The following PCDHGA9 variants were observed in gnomAD, a reference collection of about 807,000 sequenced individuals.
PCDHGA9 encodes protocadherin gamma subfamily A, 9.
PCDHGA9 carries 37 observed loss-of-function variants against 62.5 expected under a neutral mutation model. That is an observed-to-expected ratio of 0.59 (90% CI 0.46 to 0.78). PCDHGA9 has a LOEUF of 0.78. Among genes scored for constraint, PCDHGA9 ranks in the 30% least tolerant of loss-of-function variants. PCDHGA9 has a pLI of 0.00. For missense variants in PCDHGA9, 1,138 were observed against 1,166.2 expected (o/e 0.98, Z 0.35); for synonymous variants, 459 against 484.6 (o/e 0.95, Z 0.69).
At chr5:141,492,606 C>G (rs1019615566) in intron 1 of PCDHGA9, among the ~76,000 whole-genome samples, 3 of 152,232 alleles carry the variant, frequency 2.0e-5, no homozygotes, top group African/African-American at 7.2e-5. Flanking sequence ...GACTGCCGCT[C>G]TAAGTGCCGG....
intron 1 of PCDHGA9, chr5:141,420,367 T>C: frequency 7.3e-7 from 1 of 1,360,684 alleles, no homozygotes; most frequent in Non-Finnish European, 9.7e-7. Flanking sequence ...CTAGATAACT[T>C]CTTCATAGAG....
At chr5:141,456,204 C>A (rs867187371) in intron 1 of PCDHGA9, among the ~76,000 whole-genome samples, 17 of 152,222 alleles carry the variant, frequency 1.1e-4, no homozygotes, top group South Asian at 2.1e-4. Context: ...CTACCACATT[C>A]CTCCCTGTGG....
rs762574320 is a variant in PCDHGA9, at chr5:141,485,926, G to A, written c.2425-8881G>A. The A allele has an allele frequency of 2.0e-5, 32 of 1,614,090 alleles. No individual in the cohort carries two copies. Among genetic ancestry groups the A allele is most frequent in the Admixed American group, 1.2e-4 (7 of 60,006 alleles). ...AGCAATCCAGCTACAGGATTAGTGT[G>A]TTGGAGAGCGCACCAGCGGGCATGG... On this transcript the variant is annotated intron_variant, in intron 1 of 3. Transcript: ENST00000573521. The surrounding 1 kb of genome is among the most constrained non-coding windows in gnomAD (Gnocchi z 5.7).
At position 141,491,561 on chromosome 5, in the gene PCDHGA9, A is replaced by C. The variant is rs1289732955; in HGVS notation, c.2425-3246A>C. The C allele has an allele frequency of 1.2e-6, 2 of 1,613,938 alleles. No homozygotes were observed. Among genetic ancestry groups the C allele is most frequent in the Admixed American group, 3.3e-5 (2 of 60,016 alleles). On this transcript the variant is annotated intron_variant, in intron 1 of 3. Transcript: ENST00000573521. This position sits in a 1 kb window ranked among gnomAD's most constrained non-coding sequence, Gnocchi z 6.9. ...CCCACAGACTCGCAGAGCCACTGCT[A>C]CAGGACGTGCTTTTCACCGGCCTCG...
intron 1 of PCDHGA9, chr5:141,419,490 C>G (rs2096390495): frequency 8.1e-6 from 13 of 1,612,414 alleles, no homozygotes; most frequent in Non-Finnish European, 1.1e-5. Context: ...GCGCTCAGCG[C>G]CAATGTGAGC....
intron 1 of PCDHGA9, chr5:141,428,371 C>A: frequency 5.6e-6 from 3 of 536,772 alleles, no homozygotes; most frequent in Non-Finnish European, 1.0e-5. Flanking sequence ...CGCCTTGCAC[C>A]TGCGATGCTC....
intron 1 of PCDHGA9, chr5:141,441,126 C>T (rs1319809408): frequency 6.6e-6 from 1 of 152,062 alleles, no homozygotes; most frequent in Non-Finnish European, 1.5e-5. Context: ...CAGTTGAGAC[C>T]GAATTTCTAG....
intron 1 of PCDHGA9, among the ~76,000 whole-genome samples, chr5:141,463,128 A>G (rs914895217): frequency 1.5e-4 from 23 of 152,190 alleles, no homozygotes; most frequent in Admixed American, 1.4e-3. Context: ...GCTCCCTGGC[A>G]GTTCTTCGCC....
Position 141,476,758 on chromosome 5 carries a change from G to A in PCDHGA9, c.2425-18049G>A. On this transcript the variant is annotated intron_variant, in intron 1 of 3. Transcript: ENST00000573521. The surrounding 1 kb of genome is among the most constrained non-coding windows in gnomAD (Gnocchi z 7.6). Reference sequence around the variant, plus strand: ...GGGAGCCTAGTCTCCAGTTAGTGCTGACGGCGTTGGACGGAGGGACCCCAG... The same window carrying A: ...GGGAGCCTAGTCTCCAGTTAGTGCTAACGGCGTTGGACGGAGGGACCCCAG... 1 of 1,613,868 alleles carries A rather than the reference G, an allele frequency of 6.2e-7. No homozygotes were observed. The highest frequency in any genetic ancestry group is 1.1e-5 in the South Asian group (1 of 91,086).
At chr5:141,435,821 T>C (rs571444304) in intron 1 of PCDHGA9, among the ~76,000 whole-genome samples, 72 of 152,240 alleles carry the variant, frequency 4.7e-4, no homozygotes, top group African/African-American at 1.6e-3. Context: ...CTTTCTTCTT[T>C]GTTTGCTGCC....
At chr5:141,450,675 C>T (rs377412699) in intron 1 of PCDHGA9, among the ~76,000 whole-genome samples, 3 of 151,614 alleles carry the variant, frequency 2.0e-5, no homozygotes, top group South Asian at 4.2e-4. Flanking sequence ...TTAGTAGAAA[C>T]GGGGTTTTGC....
intron 1 of PCDHGA9, chr5:141,419,237 C>A (rs2096348240): frequency 6.2e-7 from 1 of 1,613,988 alleles, no homozygotes; most frequent in Non-Finnish European, 8.5e-7. Flanking sequence ...CTACCTGGTC[C>A]ACGTGCCAGA....
At chr5:141,447,824 G>A (rs926580893) in intron 1 of PCDHGA9, among the ~76,000 whole-genome samples, 7 of 152,034 alleles carry the variant, frequency 4.6e-5, no homozygotes, top group Admixed American at 1.3e-4. Flanking sequence ...GGTGGCTCAC[G>A]CCTGTAATCC....
chr5:141,429,751 A>AT (rs2097241304), intron 1 of PCDHGA9, among the ~76,000 whole-genome samples: 1 of 152,110 alleles, frequency 6.6e-6, no homozygotes, highest in African/African-American at 2.4e-5. Flanking sequence ...CTTAGGGAGA[A>AT]TTTTTTCCCT....
rs371130763 is a variant in PCDHGA9 at position 141,432,970 on chromosome 5, G to A, written c.2424+27594G>A. The A allele has an allele frequency of 5.0e-6, 8 of 1,613,996 alleles. No homozygotes were observed. Among genetic ancestry groups the A allele is most frequent in the East Asian group, 4.5e-5 (2 of 44,868 alleles). ...GAGGCGGCTTGACAGGAGCGCCGGC[G>A]TCGCACTTTGTGGGCGTGGACGGGG... On this transcript the variant is annotated intron_variant, in intron 1 of 3. Transcript: ENST00000573521. The surrounding 1 kb of genome is among the most constrained non-coding windows in gnomAD (Gnocchi z 6.0).
intron 1 of PCDHGA9, chr5:141,416,557 T>C (rs1428283225): frequency 3.9e-5 from 6 of 152,112 alleles, no homozygotes; most frequent in Non-Finnish European, 8.8e-5. Flanking sequence ...CCTGAAACTC[T>C]GAAAACTCTG....
chr5:141,446,191 T>C (rs2098492956), intron 1 of PCDHGA9, among the ~76,000 whole-genome samples: 1 of 152,206 alleles, frequency 6.6e-6, no homozygotes, highest in Non-Finnish European at 1.5e-5. Flanking sequence ...TGTTTATTAT[T>C]ATATTCCTAG....
intron 3 of PCDHGA9, 88 bp from the exon 4 acceptor site, chr5:141,510,859 A>G: frequency 6.2e-7 from 1 of 1,606,096 alleles, no homozygotes; most frequent in Non-Finnish European, 8.5e-7. Context: ...GGTGCTGTAT[A>G]GGCATTCATT....
chr5:141,417,599 C>G (rs1036283292), intron 1 of PCDHGA9: 4 of 500,492 alleles, frequency 8.0e-6, no homozygotes, highest in African/African-American at 7.8e-5. Flanking sequence ...CTCTGGGCGC[C>G]GCCGTCGGCC....
Sources: gnomAD v4.1 joint callset for allele counts (sites outside exome capture counted in the v4.1 genomes callset) on GRCh38, gnomAD v4.1.1 for gene constraint, Gnocchi (gnomAD v3.1) non-coding constraint, MANE v1.5 for transcripts, NCBI Gene and HGNC (gene_info 2026-07-23, HGNC 2026-07-21) for gene names.